The following TPST2 variants were observed in gnomAD, a reference collection of about 807,000 sequenced individuals.
The protein encoded by TPST2 is tyrosylprotein sulfotransferase 2.
Under a neutral mutation model 27.8 loss-of-function variants are expected in TPST2, and 16 were observed. The observed-to-expected ratio is 0.58, with a 90% CI of 0.39 to 0.88. The LOEUF (loss-of-function observed/expected upper bound fraction) is 0.88, where lower values mean the gene tolerates loss of function less well. Among genes scored for constraint, TPST2 ranks in the 40% least tolerant of loss-of-function variants. The pLI is 0.00. For synonymous variants in TPST2, 229 were observed against 231.7 expected (o/e 0.99, Z 0.10); for missense variants, 464 against 543.1 (o/e 0.85, Z 1.45).
chr22:26,556,901 T>A (rs1277916238), intron 1 of TPST2, among the ~76,000 whole-genome samples: 1 of 152,132 alleles, frequency 6.6e-6, no homozygotes, highest in African/African-American at 2.4e-5. Flanking sequence ...TGGAGCATGG[T>A]TTGCATGTTC....
chr22:26,578,755 C>A (rs1043881664), intron 1 of TPST2, among the ~76,000 whole-genome samples: 2 of 152,146 alleles, frequency 1.3e-5, no homozygotes, highest in Non-Finnish European at 2.9e-5. Flanking sequence ...CCCATTATTT[C>A]CAAGCTATTT....
chr22:26,557,422 A>T (rs1926859482), intron 1 of TPST2, among the ~76,000 whole-genome samples: 1 of 152,178 alleles, frequency 6.6e-6, no homozygotes. Flanking sequence ...ATTAAGTGAG[A>T]TAGGGGCTTA....
chr22:26,555,216 A>C (rs1926724077), intron 1 of TPST2: 1 of 533,576 alleles, frequency 1.9e-6, no homozygotes, highest in Non-Finnish European at 3.8e-6. Flanking sequence ...AAGGCACTGA[A>C]CTCAGCGTTC....
Position 26,541,812 on chromosome 22 carries a change from G to T in TPST2, c.-88-94C>A. On this transcript the variant is annotated intron_variant, in intron 2 of 6. Transcript: ENST00000338754. This position sits in a 1 kb window ranked among gnomAD's most constrained non-coding sequence, Gnocchi z 5.9. ...GCCCTATAACTGCAAACAAGAGGCT[G>T]CTGACATGAATGCAGAGGGCACCTT... 1 of 1,230,634 alleles carries T rather than the reference G, an allele frequency of 8.1e-7. No individual in the cohort carries two copies. Among genetic ancestry groups the T allele is most frequent in the Non-Finnish European group, 1.1e-6 (1 of 923,180 alleles). 76.2% of individuals were successfully genotyped at this position (1,230,634 alleles called of 1,614,324 possible). A position where few individuals can be genotyped will look rare whatever the true frequency, so the allele number is the denominator to read the frequency against.
chr22:26,569,949 CAAAAA>C (rs71192942), intron 1 of TPST2, among the ~76,000 whole-genome samples: 4 of 41,256 alleles, frequency 9.7e-5, no homozygotes, highest in Non-Finnish European at 1.8e-4. Context: ...AAGACTCTGT[CAAAAA>C]AAAAAAAAAA....
chr22:26,564,711 C>A (rs1927298358), intron 1 of TPST2, among the ~76,000 whole-genome samples: 1 of 152,174 alleles, frequency 6.6e-6, no homozygotes, highest in South Asian at 2.1e-4. Flanking sequence ...CTTACTATAG[C>A]CTCACAGCAG....
intron 1 of TPST2, among the ~76,000 whole-genome samples, chr22:26,560,281 A>G (rs914768192): frequency 6.6e-6 from 1 of 152,162 alleles, no homozygotes; most frequent in African/African-American, 2.4e-5. Flanking sequence ...GTGGCTCCGG[A>G]GTCAGGCTAC....
chr22:26,559,529 G>A (rs150240441), intron 1 of TPST2, among the ~76,000 whole-genome samples: 42 of 152,148 alleles, frequency 2.8e-4, no homozygotes, highest in African/African-American at 7.2e-4. Flanking sequence ...GAGAAACCTC[G>A]TACCCTTACG....
At chr22:26,536,236 G>A (rs1925454696) in intron 4 of TPST2, 52 bp downstream of exon 4, 2 of 1,600,784 alleles carry the variant, frequency 1.2e-6, no homozygotes, top group South Asian at 1.1e-5. Context: ...CACATCTGCA[G>A]AAGCCCCATA....
intron 2 of TPST2, among the ~76,000 whole-genome samples, chr22:26,542,251 A>AG (rs1267283790): frequency 1.3e-5 from 2 of 151,422 alleles, no homozygotes; most frequent in South Asian, 2.1e-4. Context: ...AAAAAAAAAA[A>AG]AAAAAAAGGC....
At position 26,540,956 on chromosome 22, in the gene TPST2, G is replaced by A. The variant is rs762095799; in HGVS notation, c.675C>T (p.Cys225=). 1 of 1,614,182 alleles carries A rather than the reference G, an allele frequency of 6.2e-7. No individual in the cohort carries two copies. The highest frequency in any genetic ancestry group is 8.5e-7 in the Non-Finnish European group (1 of 1,180,034). The part of the protein sequence containing the change: ...NKAIEVMYAQ[C]MEVGKEKCLP... ...GGCACTTCTCCTTGCCTACCTCCAT[G>A]CACTGGGCGTACATCACCTCGATGG... Residue 225 remains cysteine, a synonymous_variant, in exon 3 of 7, where the codon TGC becomes TGT. Coordinates refer to ENST00000338754, the MANE Select transcript of TPST2 (RefSeq NM_003595.5).
chr22:26,537,683 C>T (rs1925545710), intron 3 of TPST2, among the ~76,000 whole-genome samples: 1 of 152,124 alleles, frequency 6.6e-6, no homozygotes, highest in Non-Finnish European at 1.5e-5. Flanking sequence ...GAACTCCTGA[C>T]CTCAAGTGAT....
At chr22:26,557,534 G>C (rs1432431908) in intron 1 of TPST2, among the ~76,000 whole-genome samples, 1 of 152,154 alleles carries the variant, frequency 6.6e-6, no homozygotes, top group African/African-American at 2.4e-5. Context: ...TGGTGAGCAG[G>C]AAAAGTGGGG....
At chr22:26,537,530 G>T (rs1278370483) in intron 3 of TPST2, among the ~76,000 whole-genome samples, 2 of 152,320 alleles carry the variant, frequency 1.3e-5, no homozygotes, top group East Asian at 3.9e-4. Context: ...TTGGCTCACT[G>T]CAACCTCCAC....
chr22:26,574,501 T>C (rs1217710156), intron 1 of TPST2, among the ~76,000 whole-genome samples: 1 of 152,070 alleles, frequency 6.6e-6, no homozygotes, highest in Non-Finnish European at 1.5e-5. Flanking sequence ...GAGGTTCCAA[T>C]GGCATCACAC....
At chr22:26,548,551 AG>A (rs1365661174) in intron 1 of TPST2, among the ~76,000 whole-genome samples, 1 of 139,700 alleles carries the variant, frequency 7.2e-6, no homozygotes, top group Admixed American at 7.1e-5. Context: ...GAAAGAAAAA[AG>A]AGAAAGAGAG....
rs982310250 is a variant in TPST2, at chr22:26,522,311, A to G, written c.*3964T>C. ...CTGACTCCAAAGCTAGTTATATATA[A>G]TAATAGCACCCAAGTAATGTATAGA... On this transcript the variant is annotated 3_prime_UTR_variant, in exon 7 of 7. Coordinates refer to ENST00000338754, the MANE Select transcript of TPST2 (RefSeq NM_003595.5). 2.6e-5 allele frequency: 4 copies of G among 152,184 alleles called. No individual in the cohort carries two copies. The highest frequency in any genetic ancestry group is 5.9e-5 in the Non-Finnish European group (4 of 68,038). The allele number at this position is 152,184 out of a possible 1,614,324, so 9.4% of individuals were successfully genotyped here. A position where few individuals can be genotyped will look rare whatever the true frequency, so the allele number is the denominator to read the frequency against.
At chr22:26,572,500 G>C (rs1228740442) in intron 1 of TPST2, among the ~76,000 whole-genome samples, 1 of 152,110 alleles carries the variant, frequency 6.6e-6, no homozygotes, top group East Asian at 1.9e-4. Flanking sequence ...ATGGAAGCTG[G>C]GTTTCTGTCT....
chr22:26,539,851 AGCCTGAG>A (rs1925695940), intron 3 of TPST2, among the ~76,000 whole-genome samples: 1 of 152,222 alleles, frequency 6.6e-6, no homozygotes. Flanking sequence ...TTAGCTGTGT[AGCCTGAG>A]GCCAGTAACT....
Sources: allele counts gnomAD v4.1 joint callset (sites outside exome capture counted in the v4.1 genomes callset), GRCh38; gene constraint gnomAD v4.1.1; non-coding constraint Gnocchi (gnomAD v3.1); transcripts MANE v1.5; gene names NCBI Gene and HGNC (gene_info 2026-07-23, HGNC 2026-07-21).